Variants in SLC45A4 observed in about 807,000 individuals in gnomAD.
SLC45A4 encodes polyamine-transporter SLC45A4.
SLC45A4 carries 32 observed loss-of-function variants against 63.7 expected under a neutral mutation model. The observed-to-expected ratio is 0.50, with a 90% CI of 0.38 to 0.67. SLC45A4 has a LOEUF of 0.67. Ranked by LOEUF, SLC45A4 falls within the 30% of genes least tolerant of loss-of-function variation. The pLI is 0.00. For missense variants in SLC45A4, 1,027 were observed against 1,157.7 expected, an observed-to-expected ratio of 0.89 and a Z score of 1.64; for synonymous variants, 535 against 510.0, an observed-to-expected ratio of 1.05 and a Z score of -0.66.
rs187502218 is a variant in SLC45A4, at chr8:141,229,154, A to G, written c.242-7389T>C. Among the ~76,000 whole-genome samples the G allele has an allele frequency of 6.4e-4, 98 of 152,232 alleles. No homozygotes were observed. Among genetic ancestry groups the G allele is most frequent in the Non-Finnish European group, 1.0e-3 (70 of 67,994 alleles). ...CCCTTAAAAGAGCTGCACTCTCAGGAGCAGAGTTTTGTGAGCATAGCAGGC... is the reference window on the plus strand; with the variant it reads ...CCCTTAAAAGAGCTGCACTCTCAGGGGCAGAGTTTTGTGAGCATAGCAGGC... On this transcript the variant is annotated intron_variant, in intron 2 of 8. Transcript: ENST00000517878. This position sits in a 1 kb window ranked among gnomAD's most constrained non-coding sequence, Gnocchi z 5.0.
At chr8:141,217,484 C>T (rs995072340) in intron 5 of SLC45A4, among the ~76,000 whole-genome samples, 4 of 152,222 alleles carry the variant, frequency 2.6e-5, no homozygotes, top group South Asian at 4.1e-4. Context: ...GTGACGCTCC[C>T]GCAGCCTCTG....
rs545369707 is a variant in SLC45A4 at position 141,254,145 on chromosome 8, C to T, written c.85G>A (p.Gly29Arg). 34 of 1,536,180 alleles carry T rather than the reference C, an allele frequency of 2.2e-5. No individual in the cohort carries two copies. Among genetic ancestry groups the T allele is most frequent in the Admixed American group, 2.0e-5 (1 of 51,006 alleles). ...TCGCAGTTCTCGGCCTCTGCGCCTCCGGCTTTCTGCGGGTCCGGCAGGGGC... is the reference window on the plus strand; with the variant it reads ...TCGCAGTTCTCGGCCTCTGCGCCTCTGGCTTTCTGCGGGTCCGGCAGGGGC... Reference protein sequence around the residue: ...SVPLPDPQKAGGAEAENCETI... With the variant: ...SVPLPDPQKARGAEAENCETI... The change falls in exon 2 of 9, where the codon GGA becomes AGA. Residue 29 changes from glycine to arginine, a missense_variant. Coordinates refer to ENST00000517878, the MANE Select transcript of SLC45A4 (RefSeq NM_001286646.2). The surrounding 1 kb of genome is among the most constrained non-coding windows in gnomAD (Gnocchi z 4.5).
intron 2 of SLC45A4, among the ~76,000 whole-genome samples, chr8:141,234,498 A>G (rs1428487920): frequency 6.6e-6 from 1 of 152,170 alleles, no homozygotes; most frequent in African/African-American, 2.4e-5. Flanking sequence ...CTGTTACTAC[A>G]TTTAGCATCT....
At position 141,215,730 on chromosome 8, in the gene SLC45A4, C is replaced by T. The variant is rs775064942; in HGVS notation, c.1941+29G>A. ...AGGGAAGGCACTCAGGAGGCTGGAGCGCAGATCTCAGGGCTACGGTGGACG... is the reference window on the plus strand; with the variant it reads ...AGGGAAGGCACTCAGGAGGCTGGAGTGCAGATCTCAGGGCTACGGTGGACG... On this transcript the variant is annotated intron_variant, in intron 7 of 8. Transcript: ENST00000517878. The surrounding 1 kb of genome is among the most constrained non-coding windows in gnomAD (Gnocchi z 4.3). The T allele has an allele frequency of 1.7e-5, 28 of 1,605,414 alleles. No individual in the cohort carries two copies. In the East Asian group the frequency reaches 3.6e-4, roughly 20 times the overall value.
At chr8:141,295,775 G>A (rs1312609898) in intron 1 of SLC45A4, among the ~76,000 whole-genome samples, 5 of 152,206 alleles carry the variant, frequency 3.3e-5, no homozygotes, top group African/African-American at 9.6e-5. Context: ...TTGAGTGAAC[G>A]TGATGAGAAA....
chr8:141,297,374 G>A (rs1185705886), intron 1 of SLC45A4, among the ~76,000 whole-genome samples: 1 of 152,206 alleles, frequency 6.6e-6, no homozygotes, highest in African/African-American at 2.4e-5. Context: ...AAGCAGAACT[G>A]TGTGGGCAAA....
rs192863070 is a variant in SLC45A4, at chr8:141,277,801, G to A, written c.-400-23172C>T. Among the ~76,000 whole-genome samples, 762 of 152,118 alleles carry A rather than the reference G, an allele frequency of 5.0e-3. 4 individuals carry two copies. Among genetic ancestry groups the A allele is most frequent in the African/African-American group, 0.018 (729 of 41,502 alleles). ...ACTACAGGCGCCCACCACCACGCCC[G>A]GCTAATTTTTTTGTATTTTTTTTGT... On this transcript the variant is annotated intron_variant, in intron 1 of 8. Transcript: ENST00000517878.
Position 141,218,128 on chromosome 8 carries a change from C to A in SLC45A4, c.1512G>T (p.Met504Ile). The A allele has an allele frequency of 1.9e-6, 3 of 1,611,718 alleles. No individual in the cohort carries two copies. Among genetic ancestry groups the A allele is most frequent in the East Asian group, 2.2e-5 (1 of 44,862 alleles). Reference protein sequence around the residue: ...VRLLWLSMLKMPRELMRLCLC... With the variant: ...VRLLWLSMLKIPRELMRLCLC... ...GGCACAGCCGCATCAGCTCCCTGGGCATCTTCAGCATGGAGAGCCACAGCA... is the reference window on the plus strand; with the variant it reads ...GGCACAGCCGCATCAGCTCCCTGGGAATCTTCAGCATGGAGAGCCACAGCA... Residue 504 changes from methionine (M) to isoleucine (I), a missense_variant, in exon 5 of 9, where the codon ATG becomes ATT. By Grantham distance (10) the Met-to-Ile change is conservative. Transcript: ENST00000517878.
chr8:141,218,076 C>CA lies in SLC45A4; in HGVS notation c.1563dup (p.Val522CysfsTer123), dbSNP rs1267865815. 2 of 1,612,308 alleles carry CA rather than the reference C, an allele frequency of 1.2e-6. No individual in the cohort carries two copies. The highest frequency in any genetic ancestry group is 2.7e-5 in the African/African-American group (2 of 74,904). On this transcript the variant is annotated frameshift_variant, in exon 5 of 9. Coordinates refer to ENST00000517878, the MANE Select transcript of SLC45A4 (RefSeq NM_001286646.2). LOFTEE classifies it high-confidence loss of function. Reference sequence around the variant, plus strand: ...GTGTAGAACACGGCCTCGGCGATGACAGAGAACCAGGTGAGGAGGTGGCAG... The same window carrying CA: ...GTGTAGAACACGGCCTCGGCGATGACAAGAGAACCAGGTGAGGAGGTGGCAG...
chr8:141,283,747 A>T (rs1222785644), intron 1 of SLC45A4, among the ~76,000 whole-genome samples: 1 of 152,192 alleles, frequency 6.6e-6, no homozygotes, highest in East Asian at 1.9e-4. Flanking sequence ...GACCCAGAAG[A>T]ATCAACGGCA....
rs577841223 is a variant in SLC45A4 at position 141,212,006 on chromosome 8, G to A, written c.2301+191C>T. 75 of 1,313,088 alleles carry A rather than the reference G, an allele frequency of 5.7e-5. No homozygotes were observed. In the South Asian group the frequency reaches 1.7e-3, roughly 30 times the overall value. 81.3% of individuals were successfully genotyped at this position (1,313,088 alleles called of 1,614,324 possible). On this transcript the variant is annotated intron_variant, in intron 8 of 8. Coordinates refer to ENST00000517878, the MANE Select transcript of SLC45A4 (RefSeq NM_001286646.2). Reference sequence around the variant, plus strand: ...TGGTTAGTGTGGTATTTGCTTAGTAGCTCAAACCTACCCTACGACTACTGA... The same window carrying A: ...TGGTTAGTGTGGTATTTGCTTAGTAACTCAAACCTACCCTACGACTACTGA...
In SLC45A4 at chr8:141,215,548, C is replaced by T. The variant is rs770171778; in HGVS notation, c.1941+211G>A. Among the ~76,000 whole-genome samples, 6 of 151,934 alleles carry T rather than the reference C, an allele frequency of 3.9e-5. No individual in the cohort carries two copies. Among genetic ancestry groups the T allele is most frequent in the South Asian group, 4.2e-4 (2 of 4,814 alleles). On this transcript the variant is annotated intron_variant, in intron 7 of 8. Transcript: ENST00000517878. The surrounding 1 kb of genome is among the most constrained non-coding windows in gnomAD (Gnocchi z 4.3). Reference sequence around the variant, plus strand: ...TCTGGAGGTGCTAGGGGGGTGGGGGCGGCTGAAGGAGAAGACCCTTTGTGG... The same window carrying T: ...TCTGGAGGTGCTAGGGGGGTGGGGGTGGCTGAAGGAGAAGACCCTTTGTGG...
chr8:141,281,504 G>C (rs1011560608), intron 1 of SLC45A4, among the ~76,000 whole-genome samples: 1 of 152,230 alleles, frequency 6.6e-6, no homozygotes, highest in African/African-American at 2.4e-5. Flanking sequence ...CGGACAGAGC[G>C]GTTGCTAATG....
At chr8:141,265,227 T>C (rs10481414) in intron 1 of SLC45A4, among the ~76,000 whole-genome samples, 42,111 of 152,182 alleles carry the variant, frequency 0.28, 6,130 homozygotes, top group East Asian at 0.39. Context: ...CCACAGCCCT[T>C]GCTGGGACTG....
intron 1 of SLC45A4, among the ~76,000 whole-genome samples, chr8:141,285,789 T>C (rs1349835641): frequency 6.6e-6 from 1 of 152,208 alleles, no homozygotes; most frequent in Non-Finnish European, 1.5e-5. Context: ...CGAGGGCACC[T>C]GAACACATCC....
At position 141,246,556 on chromosome 8, in the gene SLC45A4, C is replaced by T. The variant is rs536390327; in HGVS notation, c.241+7433G>A. 1.7e-4 allele frequency among the ~76,000 whole-genome samples: 26 copies of T among 151,922 alleles called. No homozygotes were observed. In the South Asian group the frequency reaches 2.3e-3, roughly 13 times the overall value. On this transcript the variant is annotated intron_variant, in intron 2 of 8. Transcript: ENST00000517878. ...GGTGGAGTCACACGTTTGCGTCAGGCGACATCCCCTCGATGCTGCCATATT... is the reference window on the plus strand; with the variant it reads ...GGTGGAGTCACACGTTTGCGTCAGGTGACATCCCCTCGATGCTGCCATATT...
rs1827050321 is a variant in SLC45A4 at position 141,227,096 on chromosome 8, A to G, written c.242-5331T>C. 6.6e-6 allele frequency: 1 copy of G among 152,244 alleles called. No homozygotes were observed. The highest frequency in any genetic ancestry group is 2.1e-4 in the South Asian group (1 of 4,836). The allele number at this position is 152,244 out of a possible 1,614,324, so 9.4% of individuals were successfully genotyped here. On this transcript the variant is annotated intron_variant, in intron 2 of 8. Transcript: ENST00000517878. This position sits in a 1 kb window ranked among gnomAD's most constrained non-coding sequence, Gnocchi z 4.4. ...ACGGGGCATTTCCCAGCCCGGCTCC[A>G]AACACACACAACGCTGGGCCCAGTA...
intron 1 of SLC45A4, among the ~76,000 whole-genome samples, chr8:141,265,310 G>A (rs541531598): frequency 2.6e-5 from 4 of 152,272 alleles, no homozygotes; most frequent in East Asian, 3.9e-4. Flanking sequence ...TTCCCTTCAC[G>A]GCCTCCCCCA....
In SLC45A4 at chr8:141,256,552, G is replaced by C. The variant is rs1343484675; in HGVS notation, c.-400-1923C>G. On this transcript the variant is annotated intron_variant, in intron 1 of 8. Transcript: ENST00000517878. This position sits in a 1 kb window ranked among gnomAD's most constrained non-coding sequence, Gnocchi z 4.3. ...GCCCCAGGAGGGAGAAGACTCCGCT[G>C]TACAGGAGGTTCTGGAAGGAAGCCG... is the stretch of plus-strand genomic sequence containing the variant. 6.6e-6 allele frequency: 3 copies of C among 456,282 alleles called. No individual in the cohort carries two copies. The highest frequency in any genetic ancestry group is 4.6e-5 in the South Asian group (3 of 64,576). The allele number at this position is 456,282 out of a possible 1,614,324, so 28.3% of individuals were successfully genotyped here.
Sources: allele counts gnomAD v4.1 joint callset (sites outside exome capture counted in the v4.1 genomes callset), GRCh38; gene constraint gnomAD v4.1.1; non-coding constraint Gnocchi (gnomAD v3.1); transcripts MANE v1.5; gene names NCBI Gene and HGNC (gene_info 2026-07-23, HGNC 2026-07-21).